LRIG1: variants seen among roughly 807,000 people sequenced by gnomAD.
LRIG1 encodes the protein leucine rich repeats and immunoglobulin like domains 1, also known as leucine-rich repeats and immunoglobulin-like domains protein 1.
In LRIG1, 48 loss-of-function variants were observed where a neutral mutation model predicts 99.2. The observed-to-expected ratio is 0.48, with a 90% CI of 0.38 to 0.62. The LOEUF (loss-of-function observed/expected upper bound fraction) is 0.62. Among genes scored for constraint, LRIG1 ranks in the 20% least tolerant of loss-of-function variants. LRIG1 has a pLI of 0.00. For synonymous variants in LRIG1, 772 were observed against 596.1 expected (o/e 1.29, Z -4.30); for missense variants, 1,646 against 1,434.4 (o/e 1.15, Z -2.38).
chr3:66,446,882 G>A (rs1703747421), intron 3 of LRIG1, among the ~76,000 whole-genome samples: 1 of 150,016 alleles, frequency 6.7e-6, no homozygotes, highest in Non-Finnish European at 1.5e-5. Flanking sequence ...TCAAATAAGT[G>A]GTTACCAGGG....
intron 3 of LRIG1, among the ~76,000 whole-genome samples, chr3:66,449,591 C>T (rs900530664): frequency 2.6e-5 from 4 of 152,166 alleles, no homozygotes; most frequent in Admixed American, 2.0e-4. Context: ...GCCACAGGCC[C>T]GTGGGGCAAA....
rs781333761 is a variant in LRIG1, at chr3:66,380,452, C to T, written c.3093G>A (p.Pro1031=). The change falls in exon 19 of 19, where the codon CCG becomes CCA. Residue 1031 remains proline (P), a synonymous_variant. Transcript: ENST00000273261. ...SSWTLARLYH[P]DSTELQPASS... The stretch of plus-strand genomic sequence containing the variant: ...ATGCAGGCTGTAGCTCTGTGGAGTC[C>T]GGGTGATACAACCTTGCTAAAGTCC... 22 of 1,614,028 alleles carry T rather than the reference C, an allele frequency of 1.4e-5. No homozygotes were observed. The highest frequency in any genetic ancestry group is 8.9e-5 in the East Asian group (4 of 44,890).
chr3:66,384,304 C>T lies in LRIG1; in HGVS notation c.1790-32G>A, dbSNP rs377206131. ...AACATACGTATACAGGGTCGGGTTA[C>T]GGGACAGCTAGATGCAAAACCAGGA... On this transcript the variant is annotated intron_variant, in intron 13 of 18. Coordinates refer to ENST00000273261, the MANE Select transcript of LRIG1 (RefSeq NM_015541.3). 2.3e-5 allele frequency: 37 copies of T among 1,589,252 alleles called. No individual in the cohort carries two copies. In the Admixed American group the frequency reaches 2.5e-4, roughly 11 times the overall value.
chr3:66,500,298 G>T lies in LRIG1; in HGVS notation c.110C>A (p.Pro37Gln). ...GCAGGCGGCCGCGCAGGGCGCCCGC[G>T]GGCCGGCCGCGGCGGTCACCGGCTC... ...RLEPVTAAAG[P>Q]RAPCAAACTC... The change falls in exon 1 of 19, where the codon CCG becomes CAG. Residue 37 changes from proline (P) to glutamine (Q), a missense_variant. Coordinates refer to ENST00000273261, the MANE Select transcript of LRIG1 (RefSeq NM_015541.3). 1 of 1,473,762 alleles carries T rather than the reference G, an allele frequency of 6.8e-7. No homozygotes were observed. Among genetic ancestry groups the T allele is most frequent in the Admixed American group, 2.5e-5 (1 of 40,204 alleles). 91.3% of individuals were successfully genotyped at this position (1,473,762 alleles called of 1,614,324 possible).
intron 1 of LRIG1, among the ~76,000 whole-genome samples, chr3:66,489,991 C>G (rs1701066650): frequency 6.6e-6 from 1 of 152,186 alleles, no homozygotes. Context: ...TAAAGTTTCT[C>G]CCAAGTAAAT....
intron 3 of LRIG1, among the ~76,000 whole-genome samples, chr3:66,425,761 T>A (rs892220393): frequency 6.6e-6 from 1 of 152,182 alleles, no homozygotes; most frequent in African/African-American, 2.4e-5. Context: ...CAGTGTCAGT[T>A]TACCCCTTGG....
chr3:66,419,811 T>C lies in LRIG1; in HGVS notation c.366-2545A>G, dbSNP rs551156287. On this transcript the variant is annotated intron_variant, in intron 3 of 18. Coordinates refer to ENST00000273261, the MANE Select transcript of LRIG1 (RefSeq NM_015541.3). Reference sequence around the variant, plus strand: ...CACCTGTCTCCTCCCAACTTCAGCATCCTACCTTGAAACACCCTGCCCTGG... The same window carrying C: ...CACCTGTCTCCTCCCAACTTCAGCACCCTACCTTGAAACACCCTGCCCTGG... Among the ~76,000 whole-genome samples the C allele has an allele frequency of 2.6e-5, 4 of 152,162 alleles. No homozygotes were observed. The East Asian group carries it at 7.8e-4, about 30-fold the overall frequency.
chr3:66,482,771 AATTT>A (rs761900502), intron 1 of LRIG1, among the ~76,000 whole-genome samples: 2 of 152,162 alleles, frequency 1.3e-5, no homozygotes, highest in African/African-American at 4.8e-5. Flanking sequence ...GTTGTGTAAT[AATTT>A]ATTATACAAT....
chr3:66,495,386 A>G (rs1701203098), intron 1 of LRIG1, among the ~76,000 whole-genome samples: 1 of 152,208 alleles, frequency 6.6e-6, no homozygotes, highest in South Asian at 2.1e-4. Flanking sequence ...TTCGCTTTTA[A>G]AAGACCCCCA....
At chr3:66,449,989 T>G (rs1453700325) in intron 3 of LRIG1, among the ~76,000 whole-genome samples, 1 of 152,252 alleles carries the variant, frequency 6.6e-6, no homozygotes, top group Non-Finnish European at 1.5e-5. Context: ...ACCTGTGCTT[T>G]AAGCAGCAAG....
chr3:66,422,572 T>C (rs189689742), intron 3 of LRIG1, among the ~76,000 whole-genome samples: 44 of 152,332 alleles, frequency 2.9e-4, no homozygotes, highest in Middle Eastern at 3.4e-3. Flanking sequence ...ATTGTTCATG[T>C]CACTATCAGC....
At chr3:66,402,362 G>A (rs149574066) in intron 9 of LRIG1, among the ~76,000 whole-genome samples, 7 of 152,266 alleles carry the variant, frequency 4.6e-5, no homozygotes, top group African/African-American at 7.2e-5. Context: ...GCATGCGCTG[G>A]GGTCTAGGAA....
chr3:66,443,906 G>A (rs1344974542), intron 3 of LRIG1, among the ~76,000 whole-genome samples: 2 of 152,178 alleles, frequency 1.3e-5, no homozygotes, highest in African/African-American at 4.8e-5. Flanking sequence ...AGAGTAATCT[G>A]GTCATAAACA....
Position 66,405,233 on chromosome 3 carries a change from G to A in LRIG1, c.1125C>T (p.Ser375=), listed in dbSNP as rs745480946. 19 of 1,614,066 alleles carry A rather than the reference G, an allele frequency of 1.2e-5. No individual in the cohort carries two copies. Among genetic ancestry groups the A allele is most frequent in the Non-Finnish European group, 1.4e-5 (16 of 1,180,018 alleles). ...GGCTGTCGAGCCCTGAGAAGGCGCC[G>A]CTCGTGTCCTCTATTGTGCCCGAAA... ...NEISGTIEDT[S]GAFSGLDSLS... The change falls in exon 9 of 19, where the codon AGC becomes AGT. Residue 375 remains serine (S), a synonymous_variant. Transcript: ENST00000273261.
intron 3 of LRIG1, among the ~76,000 whole-genome samples, chr3:66,439,503 T>C (rs1575692330): frequency 1.3e-5 from 2 of 152,114 alleles, no homozygotes; most frequent in Admixed American, 6.5e-5. Context: ...ACCAGAACTT[T>C]GCTATATTAC....
chr3:66,429,933 TA>T, intron 3 of LRIG1, among the ~76,000 whole-genome samples: 1 of 150,982 alleles, frequency 6.6e-6, no homozygotes, highest in Non-Finnish European at 1.5e-5. Context: ...CAAAACCTCC[TA>T]AAGTATTAAG....
intron 3 of LRIG1, among the ~76,000 whole-genome samples, chr3:66,430,189 AC>A (rs1410946529): frequency 1.1e-4 from 12 of 108,176 alleles, no homozygotes; most frequent in African/African-American, 3.0e-4. Context: ...AACAACAACA[AC>A]AAAAAAAAAA....
intron 1 of LRIG1, 88 bp from the exon 2 acceptor site, chr3:66,462,597 C>T (rs1366546098): frequency 2.3e-6 from 2 of 876,938 alleles, no homozygotes; most frequent in South Asian, 1.4e-5. Context: ...CTGGCTCCCC[C>T]ACCCTCAAAT....
rs761136072 is a variant in LRIG1 at position 66,394,040 on chromosome 3, C to T, written c.1468G>A (p.Asp490Asn). 6.2e-7 allele frequency: 1 copy of T among 1,613,878 alleles called. No homozygotes were observed. Among genetic ancestry groups the T allele is most frequent in the Non-Finnish European group, 8.5e-7 (1 of 1,179,920 alleles). ...FSVPPESFVC[D>N]DFLKPQIITQ... Reference sequence around the variant, plus strand: ...GAAAAAGTTACAAAGACAGTCTTACCGCACACGAAACTCTCTGGTGGCACA... The same window carrying T: ...GAAAAAGTTACAAAGACAGTCTTACTGCACACGAAACTCTCTGGTGGCACA... The change falls in exon 12 of 19, where the codon GAT becomes AAT. Residue 490 changes from aspartate to asparagine, a missense_variant and splice_region_variant. Transcript: ENST00000273261.
Sources: gnomAD v4.1 joint callset for allele counts (sites outside exome capture counted in the v4.1 genomes callset) on GRCh38, gnomAD v4.1.1 for gene constraint, MANE v1.5 for transcripts, NCBI Gene and HGNC (gene_info 2026-07-23, HGNC 2026-07-21) for gene names.